The following TRDN variants were observed in gnomAD, a reference collection of about 807,000 sequenced individuals.
TRDN encodes triadin.
A neutral mutation model predicts 149.7 loss-of-function variants in TRDN; 161 were observed. That is an observed-to-expected ratio of 1.08 (90% CI 0.95 to 1.23). The LOEUF (loss-of-function observed/expected upper bound fraction) is 1.23. Among genes scored for constraint, TRDN ranks in the 50% most tolerant of loss-of-function variants. The probability of loss-of-function intolerance (pLI) is 0.00; values close to 1 mark genes in which losing one functional copy is unlikely to be tolerated. For missense variants in TRDN, 896 were observed against 823.5 expected, an observed-to-expected ratio of 1.09 and a Z score of -1.08; for synonymous variants, 294 against 250.5, an observed-to-expected ratio of 1.17 and a Z score of -1.64.
intron 38 of TRDN, among the ~76,000 whole-genome samples, chr6:123,243,363 T>C (rs149610180): frequency 9.9e-5 from 15 of 152,150 alleles, no homozygotes; most frequent in African/African-American, 3.4e-4. Flanking sequence ...CATAAGGATA[T>C]GGAAAACAAA....
intron 4 of TRDN, among the ~76,000 whole-genome samples, chr6:123,540,875 G>A (rs753675734): frequency 1.3e-5 from 2 of 152,188 alleles, no homozygotes; most frequent in Non-Finnish European, 2.9e-5. Flanking sequence ...ACTTGAATCT[G>A]ACACACAAAG....
intron 12 of TRDN, among the ~76,000 whole-genome samples, chr6:123,397,203 TC>T (rs1232648915): frequency 1.3e-5 from 2 of 151,836 alleles, no homozygotes; most frequent in Non-Finnish European, 2.9e-5. Flanking sequence ...TAAGAAAGAC[TC>T]CCCCCATCTG....
chr6:123,593,573 T>C (rs1483333604), intron 1 of TRDN, among the ~76,000 whole-genome samples: 1 of 152,222 alleles, frequency 6.6e-6, no homozygotes, highest in Non-Finnish European at 1.5e-5. Flanking sequence ...AGAATCTGTT[T>C]AAGCTTCTCT....
rs753649631 is a variant in TRDN at position 123,320,886 on chromosome 6, AGCT to A, written c.1472-4394_1472-4392del. Among the ~76,000 whole-genome samples, 21 of 152,018 alleles carry A rather than the reference AGCT, an allele frequency of 1.4e-4. No individual in the cohort carries two copies. In the Middle Eastern group the frequency reaches 0.027, roughly 197 times the overall value. On this transcript the variant is annotated intron_variant, in intron 23 of 40. Transcript: ENST00000334268. ...TCGTATTATATAGTTTCCTACGTTG[AGCT>A]GGTAAAACTAAGCAGTCTGAGCATT... is the stretch of plus-strand genomic sequence containing the variant.
chr6:123,359,782 G>A (rs1463928200), intron 20 of TRDN, among the ~76,000 whole-genome samples: 1 of 152,002 alleles, frequency 6.6e-6, no homozygotes, highest in Non-Finnish European at 1.5e-5. Context: ...CGCAAGCTCC[G>A]CCTCCTGGGT....
At chr6:123,266,907 G>C (rs920306323) in intron 32 of TRDN, among the ~76,000 whole-genome samples, 1 of 145,092 alleles carries the variant, frequency 6.9e-6, no homozygotes, top group Admixed American at 7.2e-5. Flanking sequence ...AGGAGATCGA[G>C]ACCATCCTGG....
chr6:123,502,063 A>G, intron 8 of TRDN: 6 of 983,734 alleles, frequency 6.1e-6, no homozygotes, highest in South Asian at 4.7e-5. Context: ...ATCAATTTTT[A>G]CACTCTGTAT....
chr6:123,614,887 G>C (rs1785005028), intron 1 of TRDN, among the ~76,000 whole-genome samples: 1 of 152,012 alleles, frequency 6.6e-6, no homozygotes, highest in Non-Finnish European at 1.5e-5. Flanking sequence ...TAAAAGATTT[G>C]CAAACTATTT....
intron 22 of TRDN, among the ~76,000 whole-genome samples, chr6:123,337,176 A>G (rs1444469451): frequency 1.3e-5 from 2 of 151,978 alleles, no homozygotes; most frequent in African/African-American, 4.8e-5. Context: ...TAATTACCAA[A>G]TATTACTTCC....
intron 4 of TRDN, among the ~76,000 whole-genome samples, chr6:123,546,340 T>C (rs1781111991): frequency 6.6e-6 from 1 of 152,042 alleles, no homozygotes; most frequent in Non-Finnish European, 1.5e-5. Context: ...AAGTTACAAA[T>C]CCAAAGTTTC....
At chr6:123,313,566 C>T (rs1778912092) in intron 24 of TRDN, among the ~76,000 whole-genome samples, 1 of 151,836 alleles carries the variant, frequency 6.6e-6, no homozygotes, top group African/African-American at 2.4e-5. Context: ...CCCTAGTCAC[C>T]TCAAATTTTC....
chr6:123,530,651 A>C, intron 4 of TRDN, 86 bp from the exon 5 acceptor site: 1 of 807,876 alleles, frequency 1.2e-6, no homozygotes, highest in Non-Finnish European at 1.7e-6. Context: ...TTATAAACCT[A>C]CCACAAAGTT....
chr6:123,250,062 G>A (rs1306200494), intron 38 of TRDN, among the ~76,000 whole-genome samples: 1 of 151,978 alleles, frequency 6.6e-6, no homozygotes. Flanking sequence ...TAATGAACTA[G>A]CTGAAGAAGA....
intron 1 of TRDN, among the ~76,000 whole-genome samples, chr6:123,610,803 A>G (rs1784768972): frequency 6.6e-6 from 1 of 152,236 alleles, no homozygotes; most frequent in Non-Finnish European, 1.5e-5. Flanking sequence ...ACATTTAACA[A>G]AAGAAAAAAA....
At chr6:123,404,308 T>C (rs183991294) in intron 12 of TRDN, among the ~76,000 whole-genome samples, 1 of 152,248 alleles carries the variant, frequency 6.6e-6, no homozygotes, top group Non-Finnish European at 1.5e-5. Flanking sequence ...ATATGTTGTT[T>C]GTTATCTCTA....
chr6:123,529,124 C>T, intron 5 of TRDN: 1 of 1,507,402 alleles, frequency 6.6e-7, no homozygotes, highest in Non-Finnish European at 8.9e-7. Context: ...ACCGCCACTC[C>T]AGCAGCACTG....
intron 1 of TRDN, among the ~76,000 whole-genome samples, chr6:123,590,498 C>T (rs544437368): frequency 1.2e-4 from 18 of 152,276 alleles, no homozygotes; most frequent in Admixed American, 1.2e-3. Context: ...GTCGCTGTGG[C>T]TCACACCTGT....
At chr6:123,331,440 C>G (rs1423092881) in intron 23 of TRDN, among the ~76,000 whole-genome samples, 1 of 152,058 alleles carries the variant, frequency 6.6e-6, no homozygotes, top group East Asian at 1.9e-4. Flanking sequence ...ACTACAGTTT[C>G]TAAGTTCCTC....
intron 1 of TRDN, among the ~76,000 whole-genome samples, chr6:123,603,722 T>C (rs62419211): frequency 0.02 from 3,118 of 152,216 alleles, 66 homozygotes; most frequent in Admixed American, 0.056. Context: ...TTCCATAGAT[T>C]CTGAACCCTT....
Sources: allele counts gnomAD v4.1 joint callset (sites outside exome capture counted in the v4.1 genomes callset), GRCh38; gene constraint gnomAD v4.1.1; transcripts MANE v1.5; gene names NCBI Gene and HGNC (gene_info 2026-07-23, HGNC 2026-07-21).